The following TRIM2 variants were observed in gnomAD, a reference collection of about 807,000 sequenced individuals.
TRIM2 encodes the protein tripartite motif-containing protein 2.
Under a neutral mutation model 75.2 loss-of-function variants are expected in TRIM2, and 20 were observed. The ratio of observed to expected loss-of-function variants is 0.27; its 90% CI spans 0.19 to 0.39. The LOEUF is 0.39. Ranked by LOEUF, TRIM2 falls within the 10% of genes least tolerant of loss-of-function variation. TRIM2 has a pLI of 1.00. For missense variants in TRIM2, 660 were observed against 990.8 expected (o/e 0.67, Z 4.48); for synonymous variants, 373 against 388.3 (o/e 0.96, Z 0.46).
chr4:153,290,225 T>C (rs1006198657), intron 3 of TRIM2, among the ~76,000 whole-genome samples: 1 of 152,214 alleles, frequency 6.6e-6, no homozygotes, highest in African/African-American at 2.4e-5. Context: ...CTGCCAGCCC[T>C]TTGAAAAACA....
At chr4:153,332,242 T>A (rs1771627529) in intron 11 of TRIM2, among the ~76,000 whole-genome samples, 1 of 152,194 alleles carries the variant, frequency 6.6e-6, no homozygotes, top group African/African-American at 2.4e-5. Context: ...GGCAACAGAC[T>A]GAGAGAAAAT....
chr4:153,207,292 G>A (rs1406323262), intron 1 of TRIM2, among the ~76,000 whole-genome samples: 4 of 152,150 alleles, frequency 2.6e-5, no homozygotes, highest in Admixed American at 6.5e-5. Context: ...TGCGGTGGCC[G>A]ATGGGGGACA....
intron 3 of TRIM2, among the ~76,000 whole-genome samples, chr4:153,279,985 G>T (rs1758892809): frequency 6.6e-6 from 1 of 151,256 alleles, no homozygotes; most frequent in African/African-American, 2.4e-5. Flanking sequence ...GGAGCAAGAG[G>T]ATTGCTTGAG....
intron 6 of TRIM2, chr4:153,307,900 TC>T: frequency 1.3e-6 from 1 of 750,530 alleles, no homozygotes; most frequent in Non-Finnish European, 2.5e-6. Flanking sequence ...ATGATTCTGA[TC>T]AGGACCTTAT....
Position 153,198,366 on chromosome 4 carries a change from G to A in TRIM2, c.-49+45096G>A, listed in dbSNP as rs569147551. On this transcript the variant is annotated intron_variant, in intron 1 of 11. Coordinates refer to the TRIM2 transcript ENST00000437508. ...GTGCTATTCTCATGATAGTGAATAA[G>A]TCTCATGAGATCTCATGGGTTTATC... is the stretch of plus-strand genomic sequence containing the variant. Among the ~76,000 whole-genome samples, 5 of 152,316 alleles carry A rather than the reference G, an allele frequency of 3.3e-5. No individual in the cohort carries two copies. In the East Asian group the frequency reaches 7.7e-4, roughly 23 times the overall value.
chr4:153,257,444 T>G, intron 1 of TRIM2: 2 of 1,226,604 alleles, frequency 1.6e-6, no homozygotes, highest in Non-Finnish European at 2.1e-6. Context: ...GTGTGAATAC[T>G]GAAGGGGGTC....
At chr4:153,257,704 C>T (rs1305572709) in intron 1 of TRIM2, 6 of 806,244 alleles carry the variant, frequency 7.4e-6, no homozygotes, top group African/African-American at 1.8e-5. Flanking sequence ...GTAGCTGCAG[C>T]GACAGACTTG....
At chr4:153,200,348 T>C (rs1734207196), upstream of TRIM2, among the ~76,000 whole-genome samples, 1 of 152,220 alleles carries the variant, frequency 6.6e-6, no homozygotes, top group South Asian at 2.1e-4. Context: ...TTTTAGGGAT[T>C]CATCTTTGTT....
At chr4:153,233,838 A>C (rs1300272903) in intron 1 of TRIM2, among the ~76,000 whole-genome samples, 2 of 152,224 alleles carry the variant, frequency 1.3e-5, no homozygotes, top group African/African-American at 2.4e-5. Context: ...TCCTGCTGAG[A>C]GAGATGTTAA....
intron 3 of TRIM2, among the ~76,000 whole-genome samples, chr4:153,290,345 C>T (rs544971093): frequency 4.6e-5 from 7 of 152,298 alleles, no homozygotes; most frequent in African/African-American, 7.2e-5. Context: ...AGTTTTAGAT[C>T]GTTCTATTTC....
intron 1 of TRIM2, among the ~76,000 whole-genome samples, chr4:153,193,984 G>T (rs1301397738): frequency 6.6e-6 from 1 of 152,164 alleles, no homozygotes; most frequent in Non-Finnish European, 1.5e-5. Flanking sequence ...CACTAGGAGA[G>T]ACTGACTGAG....
intron 1 of TRIM2, among the ~76,000 whole-genome samples, chr4:153,174,467 T>C (rs1731212142): frequency 6.6e-6 from 1 of 152,098 alleles, no homozygotes; most frequent in Non-Finnish European, 1.5e-5. Context: ...CTCTGGCTCC[T>C]GGTCAGGCCC....
At chr4:153,320,348 C>T (rs1339042135) in intron 8 of TRIM2, among the ~76,000 whole-genome samples, 1 of 152,040 alleles carries the variant, frequency 6.6e-6, no homozygotes, top group Non-Finnish European at 1.5e-5. Flanking sequence ...GTCTAAAGTC[C>T]CCATCATGCA....
chr4:153,206,792 G>A (rs1285806987), intron 1 of TRIM2, among the ~76,000 whole-genome samples: 1 of 152,194 alleles, frequency 6.6e-6, no homozygotes, highest in Non-Finnish European at 1.5e-5. Context: ...GCCCCCTCCA[G>A]AGGCAATCTG....
chr4:153,221,263 T>G (rs1400982056), intron 1 of TRIM2, among the ~76,000 whole-genome samples: 1 of 152,190 alleles, frequency 6.6e-6, no homozygotes, highest in African/African-American at 2.4e-5. Flanking sequence ...ACATATTATA[T>G]GATTTCATTT....
Position 153,196,090 on chromosome 4 carries a change from G to A in TRIM2, c.-49+42820G>A, listed in dbSNP as rs549578592. Among the ~76,000 whole-genome samples, 11 of 152,324 alleles carry A rather than the reference G, an allele frequency of 7.2e-5. No homozygotes were observed. The South Asian group carries it at 1.5e-3, about 20-fold the overall frequency. On this transcript the variant is annotated intron_variant, in intron 1 of 11. Transcript: ENST00000437508. The stretch of plus-strand genomic sequence containing the variant: ...CTCTTAAAATGCTGGGATTACAGGC[G>A]TGAGCCACTGTGCCTGGCCAGAAAA...
chr4:153,156,274 T>G (rs1213824944), intron 1 of TRIM2, among the ~76,000 whole-genome samples: 2 of 152,326 alleles, frequency 1.3e-5, no homozygotes, highest in Middle Eastern at 3.4e-3. Context: ...AAACATCTCT[T>G]GGCCTCAGTC....
chr4:153,177,304 G>A (rs975387078), intron 1 of TRIM2, among the ~76,000 whole-genome samples: 4 of 152,182 alleles, frequency 2.6e-5, no homozygotes. Context: ...ACCACAGATA[G>A]CTGCACAGCA....
At chr4:153,241,241 G>T (rs1454623964) in intron 1 of TRIM2, among the ~76,000 whole-genome samples, 1 of 152,186 alleles carries the variant, frequency 6.6e-6, no homozygotes, top group Non-Finnish European at 1.5e-5. Flanking sequence ...TCTCACAGGA[G>T]TACCTGGTCT....
Sources: allele counts gnomAD v4.1 joint callset (sites outside exome capture counted in the v4.1 genomes callset), GRCh38; gene constraint gnomAD v4.1.1; transcripts MANE v1.5; gene names NCBI Gene and HGNC (gene_info 2026-07-23, HGNC 2026-07-21).